NPAS3: variants seen among roughly 807,000 people sequenced by gnomAD.
NPAS3 encodes the protein neuronal PAS domain-containing protein 3.
Under a neutral mutation model 73.1 loss-of-function variants are expected in NPAS3, and 14 were observed. The ratio of observed to expected loss-of-function variants is 0.19; its 90% CI spans 0.13 to 0.30. NPAS3 has a LOEUF of 0.30. Ranked by LOEUF, NPAS3 falls within the 10% of genes least tolerant of loss-of-function variation. NPAS3 has a pLI of 1.00. For missense variants in NPAS3, 1,096 were observed against 1,250.0 expected (o/e 0.88, Z 1.86); for synonymous variants, 620 against 541.5 (o/e 1.14, Z -2.01).
chr14:33,449,918 G>C (rs190400424), intron 4 of NPAS3, among the ~76,000 whole-genome samples: 1 of 152,264 alleles, frequency 6.6e-6, no homozygotes, highest in East Asian at 1.9e-4. Context: ...GTGTTCCGAC[G>C]TGTTATGATT....
intron 2 of NPAS3, among the ~76,000 whole-genome samples, chr14:33,069,115 A>G (rs2041389291): frequency 6.6e-6 from 1 of 152,218 alleles, no homozygotes; most frequent in Non-Finnish European, 1.5e-5. Context: ...CTCAGAGGCT[A>G]TCAGCATAAT....
intron 1 of NPAS3, among the ~76,000 whole-genome samples, chr14:33,054,966 TAAG>T (rs1030343920): frequency 3.9e-5 from 6 of 152,102 alleles, no homozygotes; most frequent in African/African-American, 7.2e-5. Flanking sequence ...AATTAATAAT[TAAG>T]AAGATATTAA....
intron 4 of NPAS3, among the ~76,000 whole-genome samples, chr14:33,442,504 T>A (rs1223765302): frequency 6.6e-6 from 1 of 152,154 alleles, no homozygotes; most frequent in Non-Finnish European, 1.5e-5. Flanking sequence ...GTTCCCATAA[T>A]CCGCATGTGT....
chr14:33,359,785 C>G (rs1181331465), intron 3 of NPAS3, among the ~76,000 whole-genome samples: 1 of 152,160 alleles, frequency 6.6e-6, no homozygotes, highest in African/African-American at 2.4e-5. Context: ...CTCTTTGTCC[C>G]TCCCTTTGAG....
At position 33,792,581 on chromosome 14, in the gene NPAS3, CAAAA is replaced by C. The variant is rs199708187; in HGVS notation, c.1154-1299_1154-1296del. On this transcript the variant is annotated intron_variant, in intron 9 of 11. Transcript: ENST00000356141. Reference sequence around the variant, plus strand: ...CCCTTCACACCCATCCACCCCCCTCCAAAAAAAAAAAAAAAAAAAATCTAAATGT... The same window carrying C: ...CCCTTCACACCCATCCACCCCCCTCCAAAAAAAAAAAAAAAATCTAAATGT... 7.1e-3 allele frequency among the ~76,000 whole-genome samples: 895 copies of C among 126,190 alleles called. 11 individuals carry two copies. Among genetic ancestry groups the C allele is most frequent in the African/African-American group, 0.022 (771 of 34,354 alleles). 82.8% of individuals were successfully genotyped at this position (126,190 alleles called of 152,430 possible).
At chr14:33,680,400 A>G (rs1365034649) in intron 6 of NPAS3, among the ~76,000 whole-genome samples, 1 of 152,216 alleles carries the variant, frequency 6.6e-6, no homozygotes, top group Non-Finnish European at 1.5e-5. Context: ...CCAACTATCT[A>G]GAAATAACCA....
chr14:33,697,921 G>A (rs567286101), intron 6 of NPAS3, among the ~76,000 whole-genome samples: 4 of 152,262 alleles, frequency 2.6e-5, no homozygotes, highest in East Asian at 1.9e-4. Flanking sequence ...TCTCAAATGG[G>A]TCCAATTATA....
intron 6 of NPAS3, among the ~76,000 whole-genome samples, chr14:33,703,373 A>G (rs949988121): frequency 2.0e-5 from 3 of 152,154 alleles, no homozygotes; most frequent in African/African-American, 7.2e-5. Context: ...ATGTACCTAT[A>G]GTCCCAGACA....
chr14:33,284,797 TA>T, intron 3 of NPAS3, among the ~76,000 whole-genome samples: 1 of 149,344 alleles, frequency 6.7e-6, no homozygotes, highest in African/African-American at 2.4e-5. Flanking sequence ...TCTATCTATC[TA>T]TCTATCTATC....
chr14:33,464,446 C>T (rs2050416568), intron 4 of NPAS3, among the ~76,000 whole-genome samples: 1 of 152,112 alleles, frequency 6.6e-6, no homozygotes, highest in South Asian at 2.1e-4. Context: ...TGAGGTCCTG[C>T]CTTCTGAATT....
chr14:33,091,377 C>G (rs2042219604), intron 2 of NPAS3, among the ~76,000 whole-genome samples: 1 of 152,158 alleles, frequency 6.6e-6, no homozygotes, highest in East Asian at 1.9e-4. Context: ...CACAAATAAA[C>G]TAGAAAACTT....
chr14:33,497,478 A>G (rs1298331049), intron 4 of NPAS3, among the ~76,000 whole-genome samples: 2 of 152,202 alleles, frequency 1.3e-5, no homozygotes, highest in African/African-American at 4.8e-5. Context: ...CCAAAACGGC[A>G]TGGTACTGGT....
At chr14:33,797,797 A>C (rs1193672133) in intron 11 of NPAS3, among the ~76,000 whole-genome samples, 2 of 152,074 alleles carry the variant, frequency 1.3e-5, no homozygotes, top group African/African-American at 4.8e-5. Context: ...ATATAGGTAT[A>C]TATACACACA....
chr14:33,500,554 G>T (rs2052462363), intron 4 of NPAS3, among the ~76,000 whole-genome samples: 1 of 151,886 alleles, frequency 6.6e-6, no homozygotes. Context: ...TGTTGTTATT[G>T]TTGTTCTTTC....
chr14:33,458,784 A>G (rs2050129345), intron 4 of NPAS3, among the ~76,000 whole-genome samples: 1 of 152,226 alleles, frequency 6.6e-6, no homozygotes, highest in South Asian at 2.1e-4. Flanking sequence ...AAAGGATACT[A>G]GGCAGTTTGA....
chr14:33,255,388 GA>G (rs1268015919), intron 3 of NPAS3, among the ~76,000 whole-genome samples: 5 of 152,082 alleles, frequency 3.3e-5, no homozygotes, highest in Non-Finnish European at 5.9e-5. Context: ...CTAATATATA[GA>G]GAAATGAATG....
intron 3 of NPAS3, among the ~76,000 whole-genome samples, chr14:33,281,008 CTT>C (rs2041579540): frequency 6.6e-6 from 1 of 152,294 alleles, no homozygotes; most frequent in Admixed American, 6.5e-5. Flanking sequence ...AAGTTATTGA[CTT>C]TTGTCTGTAA....
At chr14:33,771,165 G>A (rs1029344465) in intron 7 of NPAS3, among the ~76,000 whole-genome samples, 1 of 152,182 alleles carries the variant, frequency 6.6e-6, no homozygotes, top group Admixed American at 6.5e-5. Flanking sequence ...TGTCAGACTT[G>A]TTTCTGAAAT....
At chr14:33,450,052 G>T (rs989355683) in intron 4 of NPAS3, among the ~76,000 whole-genome samples, 1 of 152,180 alleles carries the variant, frequency 6.6e-6, no homozygotes, top group African/African-American at 2.4e-5. Context: ...AACTTACTCG[G>T]CAGTATGTAA....
Sources: gnomAD v4.1 joint callset for allele counts (sites outside exome capture counted in the v4.1 genomes callset) on GRCh38, gnomAD v4.1.1 for gene constraint, MANE v1.5 for transcripts, NCBI Gene and HGNC (gene_info 2026-07-23, HGNC 2026-07-21) for gene names.